RYR3: variants seen among roughly 807,000 people sequenced by gnomAD.
RYR3 encodes the protein brain ryanodine receptor-calcium release channel.
Under a neutral mutation model 584.3 loss-of-function variants are expected in RYR3, and 207 were observed. That is an observed-to-expected ratio of 0.35 (90% CI 0.32 to 0.40). The LOEUF is 0.40. Among genes scored for constraint, RYR3 ranks in the 10% least tolerant of loss-of-function variants. RYR3 has a pLI of 1.00. For missense variants in RYR3, 5,616 were observed against 6,089.2 expected, an observed-to-expected ratio of 0.92 and a Z score of 2.59; for synonymous variants, 2,416 against 2,248.5, an observed-to-expected ratio of 1.07 and a Z score of -2.11.
intron 102 of RYR3, among the ~76,000 whole-genome samples, chr15:33,862,722 T>C (rs1340787609): frequency 6.6e-6 from 1 of 151,180 alleles, no homozygotes; most frequent in Non-Finnish European, 1.5e-5. Context: ...GTGATTCTCC[T>C]GCCTCAGCCT....
chr15:33,413,220 T>TA (rs561457784), intron 1 of RYR3, among the ~76,000 whole-genome samples: 155 of 152,332 alleles, frequency 1.0e-3, no homozygotes, highest in African/African-American at 3.7e-3. Flanking sequence ...AACACATTTG[T>TA]ATTGGCCAGT....
rs555290122 is a variant in RYR3, at chr15:33,379,290, G to A, written c.51+68194G>A. Among the ~76,000 whole-genome samples, 5 of 152,248 alleles carry A rather than the reference G, an allele frequency of 3.3e-5. No homozygotes were observed. In the South Asian group the frequency reaches 6.2e-4, roughly 19 times the overall value. ...AATATTCATAAAAAAGAATAGAAGC[G>A]ACACTTGACTATTAGTGACTGGTCA... On this transcript the variant is annotated intron_variant, in intron 1 of 103. Coordinates refer to ENST00000634891, the MANE Select transcript of RYR3 (RefSeq NM_001036.6).
chr15:33,771,377 T>A (rs1032527993), intron 62 of RYR3, among the ~76,000 whole-genome samples: 1 of 152,044 alleles, frequency 6.6e-6, no homozygotes, highest in Non-Finnish European at 1.5e-5. Context: ...CTACTAAAAA[T>A]ACAAAAATTA....
intron 1 of RYR3, among the ~76,000 whole-genome samples, chr15:33,434,391 G>C (rs1267147144): frequency 6.6e-6 from 1 of 152,080 alleles, no homozygotes; most frequent in African/African-American, 2.4e-5. Flanking sequence ...CACATTAAGA[G>C]ATTTCAAAGG....
chr15:33,517,153 T>C (rs1268191965), intron 3 of RYR3, among the ~76,000 whole-genome samples: 2 of 152,076 alleles, frequency 1.3e-5, no homozygotes, highest in Non-Finnish European at 2.9e-5. Context: ...TGCCACCACA[T>C]CCAGCTAATT....
At chr15:33,763,090 T>C (rs2072649781) in intron 60 of RYR3, among the ~76,000 whole-genome samples, 1 of 152,214 alleles carries the variant, frequency 6.6e-6, no homozygotes, top group African/African-American at 2.4e-5. Flanking sequence ...AGTGGACCCC[T>C]TCCTTACACC....
At position 33,660,336 on chromosome 15, in the gene RYR3, C is replaced by T; in HGVS notation, c.4535C>T (p.Thr1512Ile). ...RMPNSFLKVE[T>I]ERVSERHGWV... ...CCCAACAGCTTCCTGAAGGTGGAGACCGAGCGTGTGAGCGAGCGCCACGGC... is the reference window on the plus strand; with the variant it reads ...CCCAACAGCTTCCTGAAGGTGGAGATCGAGCGTGTGAGCGAGCGCCACGGC... Residue 1512 changes from threonine (T) to isoleucine (I), a missense_variant, in exon 34 of 104, where the codon ACC becomes ATC. Thr to Ile is a moderately conservative substitution (Grantham distance 89, BLOSUM62 -1). Coordinates refer to ENST00000634891, the MANE Select transcript of RYR3 (RefSeq NM_001036.6). 1 of 1,591,962 alleles carries T rather than the reference C, an allele frequency of 6.3e-7. No homozygotes were observed. The highest frequency in any genetic ancestry group is 1.8e-5 in the Admixed American group (1 of 56,888).
intron 67 of RYR3, among the ~76,000 whole-genome samples, chr15:33,792,759 G>C (rs1488052494): frequency 2.0e-5 from 3 of 152,196 alleles, no homozygotes; most frequent in Non-Finnish European, 4.4e-5. Context: ...GGTGAACACA[G>C]ACATTTTCAT....
At chr15:33,602,507 A>C (rs1400506431) in intron 17 of RYR3, among the ~76,000 whole-genome samples, 1 of 152,204 alleles carries the variant, frequency 6.6e-6, no homozygotes, top group East Asian at 1.9e-4. Context: ...TGACCAAAAA[A>C]TGGAACTCAA....
chr15:33,361,538 G>C (rs996711731), intron 1 of RYR3, among the ~76,000 whole-genome samples: 63 of 152,158 alleles, frequency 4.1e-4, no homozygotes, highest in Non-Finnish European at 5.3e-4. Context: ...AGAGTAGACA[G>C]AGCAGAATAA....
chr15:33,699,483 C>T (rs753014061), intron 40 of RYR3, among the ~76,000 whole-genome samples: 84 of 151,980 alleles, frequency 5.5e-4, no homozygotes, highest in Non-Finnish European at 9.6e-4. Flanking sequence ...CACATGACTT[C>T]CGAGGATGAT....
chr15:33,358,652 C>T (rs1362802245), intron 1 of RYR3, among the ~76,000 whole-genome samples: 3 of 97,348 alleles, frequency 3.1e-5, no homozygotes, highest in African/African-American at 1.1e-4. Flanking sequence ...GAAGTGGTAT[C>T]GTTAAAAAAA....
chr15:33,487,687 C>T (rs539741582), intron 2 of RYR3, among the ~76,000 whole-genome samples: 6 of 152,270 alleles, frequency 3.9e-5, no homozygotes, highest in African/African-American at 7.2e-5. Flanking sequence ...TACATCAGGC[C>T]GTTGTTCCTG....
At chr15:33,328,930 T>A (rs1179630501) in intron 1 of RYR3, among the ~76,000 whole-genome samples, 1 of 152,236 alleles carries the variant, frequency 6.6e-6, no homozygotes, top group East Asian at 1.9e-4. Context: ...CTTCATTTCT[T>A]GCTTTCCTTT....
chr15:33,858,574 C>G (rs1597087742), intron 99 of RYR3: 1 of 153,730 alleles, frequency 6.5e-6, no homozygotes, highest in Admixed American at 6.5e-5. Flanking sequence ...TGATCATCGT[C>G]TCTCAGAACA....
chr15:33,566,809 C>T lies in RYR3; in HGVS notation c.1268+10C>T, dbSNP rs569074460. ...TCAGCCAGTTTGTCAGGTATGTTAG[C>T]TCCTTTCCTCCTCTACCTAGTGAGT... is the stretch of plus-strand genomic sequence containing the variant. On this transcript the variant is annotated intron_variant, in intron 12 of 103. Coordinates refer to ENST00000634891, the MANE Select transcript of RYR3 (RefSeq NM_001036.6). The T allele has an allele frequency of 8.5e-5, 137 of 1,613,552 alleles. 2 individuals are homozygous for T. In the South Asian group the frequency reaches 1.4e-3, roughly 16 times the overall value.
At chr15:33,598,796 G>T (rs753095905) in intron 16 of RYR3, among the ~76,000 whole-genome samples, 1 of 152,002 alleles carries the variant, frequency 6.6e-6, no homozygotes, top group Admixed American at 6.6e-5. Flanking sequence ...GCTCACGCCT[G>T]TAATCCCAGC....
intron 1 of RYR3, among the ~76,000 whole-genome samples, chr15:33,397,316 G>T (rs1394821398): frequency 6.6e-6 from 1 of 152,186 alleles, no homozygotes; most frequent in African/African-American, 2.4e-5. Context: ...ATTCATAAAG[G>T]TGATACGGAC....
chr15:33,748,034 T>C (rs563042646), intron 53 of RYR3, 80 bp from the exon 54 acceptor site: 1 of 1,368,742 alleles, frequency 7.3e-7, no homozygotes, highest in African/African-American at 1.4e-5. Context: ...CACAGTGGGA[T>C]GCACCTTCCA....
Sources: gnomAD v4.1 joint callset for allele counts (sites outside exome capture counted in the v4.1 genomes callset) on GRCh38, gnomAD v4.1.1 for gene constraint, MANE v1.5 for transcripts, NCBI Gene and HGNC (gene_info 2026-07-23, HGNC 2026-07-21) for gene names.